The following ANKS1B variants were observed in gnomAD, a reference collection of about 807,000 sequenced individuals.
The protein encoded by ANKS1B is ankyrin repeat and sterile alpha motif domain-containing protein 1B.
A neutral mutation model predicts 148.3 loss-of-function variants in ANKS1B; 36 were observed. That is an observed-to-expected ratio of 0.24 (90% CI 0.19 to 0.32). The LOEUF (loss-of-function observed/expected upper bound fraction) is 0.32. Among genes scored for constraint, ANKS1B ranks in the 10% least tolerant of loss-of-function variants. The pLI, the probability that ANKS1B is intolerant of heterozygous loss-of-function variation, is 1.00. For synonymous variants in ANKS1B, 542 were observed against 560.8 expected, an observed-to-expected ratio of 0.97 and a Z score of 0.47; for missense variants, 1,157 against 1,542.6, an observed-to-expected ratio of 0.75 and a Z score of 4.19.
chr12:99,094,902 A>G (rs6538898), intron 15 of ANKS1B, among the ~76,000 whole-genome samples: 87,493 of 151,934 alleles, frequency 0.58, 25,798 homozygotes, highest in East Asian at 0.75. Flanking sequence ...ATGGATGGAG[A>G]AATTGGGAGG....
chr12:99,857,668 A>G (rs1459729188), intron 1 of ANKS1B, among the ~76,000 whole-genome samples: 2 of 152,224 alleles, frequency 1.3e-5, no homozygotes, highest in East Asian at 3.9e-4. Flanking sequence ...AAAACAACAT[A>G]GTACTGGTAT....
chr12:98,861,410 C>G (rs1802030673), intron 17 of ANKS1B, among the ~76,000 whole-genome samples: 2 of 152,048 alleles, frequency 1.3e-5, no homozygotes, highest in African/African-American at 2.4e-5. Context: ...AATAGATCAC[C>G]CTTATTGTTC....
At chr12:99,060,652 A>G (rs990013476) in intron 16 of ANKS1B, among the ~76,000 whole-genome samples, 4 of 109,936 alleles carry the variant, frequency 3.6e-5, no homozygotes, top group African/African-American at 1.5e-4. Flanking sequence ...ATATATACAC[A>G]TCACACACAC....
chr12:98,972,179 C>T (rs1568109656), intron 17 of ANKS1B, among the ~76,000 whole-genome samples: 2 of 145,796 alleles, frequency 1.4e-5, no homozygotes, highest in Non-Finnish European at 3.1e-5. Flanking sequence ...AACTAACAAA[C>T]AAAAAATTTC....
At chr12:99,756,776 AC>A (rs2061610404) in intron 8 of ANKS1B, among the ~76,000 whole-genome samples, 1 of 150,376 alleles carries the variant, frequency 6.6e-6, no homozygotes, top group African/African-American at 2.4e-5. Context: ...AAGACCACAC[AC>A]CAGAAATAAG....
chr12:99,052,712 G>A (rs1329375387), intron 17 of ANKS1B, among the ~76,000 whole-genome samples: 1 of 108,212 alleles, frequency 9.2e-6, no homozygotes, highest in East Asian at 3.8e-4. Context: ...TCCGACCTGG[G>A]CGACAGAGCG....
intron 12 of ANKS1B, among the ~76,000 whole-genome samples, chr12:99,380,754 C>CTCCTTCCTTCCT (rs144164931): frequency 0.013 from 1,753 of 132,800 alleles, 24 homozygotes; most frequent in African/African-American, 0.025. Context: ...GTTTCCTTTC[C>CTCCTTCCTTCCT]TCCTTCCTTC....
intron 12 of ANKS1B, among the ~76,000 whole-genome samples, chr12:99,397,806 T>G (rs1247064903): frequency 7.2e-5 from 11 of 152,164 alleles, no homozygotes; most frequent in Admixed American, 7.2e-4. Flanking sequence ...TGCATTTTTA[T>G]TGTTATAATT....
intron 11 of ANKS1B, among the ~76,000 whole-genome samples, chr12:99,429,388 G>A (rs2095324905): frequency 2.0e-5 from 3 of 152,154 alleles, no homozygotes; most frequent in Admixed American, 1.3e-4. Context: ...CCAAATTGAG[G>A]AACATTACAC....
intron 17 of ANKS1B, among the ~76,000 whole-genome samples, chr12:98,842,105 C>A (rs959354478): frequency 6.6e-6 from 1 of 152,148 alleles, no homozygotes; most frequent in Admixed American, 6.5e-5. Flanking sequence ...CATATGCCCA[C>A]ATAAAGATGT....
chr12:98,989,660 C>T (rs929091524), intron 17 of ANKS1B, among the ~76,000 whole-genome samples: 1 of 152,002 alleles, frequency 6.6e-6, no homozygotes, highest in African/African-American at 2.4e-5. Flanking sequence ...GAAGAATGAG[C>T]CAGGCACGGT....
chr12:99,180,637 T>TG (rs2079001568), intron 14 of ANKS1B, among the ~76,000 whole-genome samples: 1 of 151,664 alleles, frequency 6.6e-6, no homozygotes, highest in African/African-American at 2.4e-5. Flanking sequence ...TTTTTTTTTT[T>TG]TTTTTTTTTT....
intron 1 of ANKS1B, among the ~76,000 whole-genome samples, chr12:99,846,295 G>A (rs2086662783): frequency 6.6e-6 from 1 of 151,620 alleles, no homozygotes; most frequent in South Asian, 2.1e-4. Context: ...TCTCTTCTCT[G>A]TTTTCTTGAT....
intron 14 of ANKS1B, among the ~76,000 whole-genome samples, chr12:99,196,273 G>C (rs2081370582): frequency 6.6e-6 from 1 of 152,164 alleles, no homozygotes; most frequent in African/African-American, 2.4e-5. Flanking sequence ...TCCATTTAAA[G>C]GACTCTTGTT....
intron 9 of ANKS1B, among the ~76,000 whole-genome samples, chr12:99,609,248 T>G (rs912599152): frequency 5.9e-5 from 9 of 152,038 alleles, no homozygotes; most frequent in African/African-American, 2.2e-4. Flanking sequence ...TCCTTTCAAA[T>G]GTCTTATTAT....
chr12:98,894,927 C>T (rs2099761366), intron 17 of ANKS1B: 1 of 910,224 alleles, frequency 1.1e-6, no homozygotes, highest in African/African-American at 1.8e-5. Context: ...CGCGTGCCCC[C>T]CACCCCCCGC....
At chr12:99,720,749 G>GC (rs2057994973) in intron 8 of ANKS1B, among the ~76,000 whole-genome samples, 1 of 152,036 alleles carries the variant, frequency 6.6e-6, no homozygotes, top group African/African-American at 2.4e-5. Flanking sequence ...CTTGGACTGT[G>GC]CCCCAAAAAA....
rs183396120 is a variant in ANKS1B, at chr12:99,616,777, C to T, written c.1272+38290G>A. 5.1e-3 allele frequency among the ~76,000 whole-genome samples: 782 copies of T among 152,124 alleles called. 2 individuals carry two copies. The highest frequency in any genetic ancestry group is 7.9e-3 in the Non-Finnish European group (535 of 67,986). ...CACCAGAACCAATGGCAACAAAAGC[C>T]AAAATTGACAAATAGGATCTAATTA... On this transcript the variant is annotated intron_variant, in intron 9 of 26. Transcript: ENST00000683438.
intron 1 of ANKS1B, among the ~76,000 whole-genome samples, chr12:99,914,956 T>C (rs1014628456): frequency 3.9e-5 from 6 of 151,950 alleles, no homozygotes; most frequent in African/African-American, 1.5e-4. Flanking sequence ...TAAGGCGCAG[T>C]GGCTCACACC....
Sources: gnomAD v4.1 joint callset for allele counts (sites outside exome capture counted in the v4.1 genomes callset) on GRCh38, gnomAD v4.1.1 for gene constraint, MANE v1.5 for transcripts, NCBI Gene and HGNC (gene_info 2026-07-23, HGNC 2026-07-21) for gene names.